The following ZNF644 variants were observed in gnomAD, a reference collection of about 807,000 sequenced individuals.
The protein encoded by ZNF644 is zinc finger protein 644, also known as zinc finger motif enhancer binding protein 2.
A neutral mutation model predicts 108.0 loss-of-function variants in ZNF644; 20 were observed. That is an observed-to-expected ratio of 0.19 (90% CI 0.13 to 0.27). The LOEUF is 0.27. ZNF644 is among the 10% of genes least tolerant of loss of function. ZNF644 has a pLI of 1.00. For missense variants in ZNF644, 1,338 were observed against 1,548.9 expected, an observed-to-expected ratio of 0.86 and a Z score of 2.29; for synonymous variants, 542 against 539.1, an observed-to-expected ratio of 1.01 and a Z score of -0.08.
At chr1:90,919,372 A>T (rs1219475824) in intron 4 of ZNF644, among the ~76,000 whole-genome samples, 5 of 152,136 alleles carry the variant, frequency 3.3e-5, no homozygotes, top group African/African-American at 1.2e-4. Flanking sequence ...CTGTTCAATG[A>T]CTCTGTGAAA....
In ZNF644 at chr1:91,010,405, ATT is replaced by A. The variant is rs35003941; in HGVS notation, c.-18+11583_-18+11584del. On this transcript the variant is annotated intron_variant, in intron 1 of 5. Coordinates refer to ENST00000337393, the MANE Select transcript of ZNF644 (RefSeq NM_201269.3). ...AGGCACCCACCATCACGCTTGGCTA[ATT>A]TTTTTTTTTTTTTTTTGTATTTTTA... 1.1e-3 allele frequency among the ~76,000 whole-genome samples: 141 copies of A among 132,578 alleles called. 1 individual carries two copies. The highest frequency in any genetic ancestry group is 7.9e-3 in the Middle Eastern group (2 of 252). The allele number at this position is 132,578 out of a possible 152,430, so 87.0% of individuals were successfully genotyped here. A position where few individuals can be genotyped will look rare whatever the true frequency, so the allele number is the denominator to read the frequency against.
chr1:90,948,722 C>T (rs992667820), intron 2 of ZNF644, among the ~76,000 whole-genome samples: 2 of 152,170 alleles, frequency 1.3e-5, no homozygotes, highest in African/African-American at 4.8e-5. Flanking sequence ...CTGCACAGTT[C>T]AAGCTCATGT....
intron 5 of ZNF644, among the ~76,000 whole-genome samples, chr1:90,917,527 T>G (rs1243266496): frequency 6.6e-6 from 1 of 152,176 alleles, no homozygotes; most frequent in African/African-American, 2.4e-5. Flanking sequence ...AGACAGAGTC[T>G]TGCTCTGTCG....
chr1:90,944,299 A>G (rs930068332), intron 2 of ZNF644, among the ~76,000 whole-genome samples: 2 of 152,212 alleles, frequency 1.3e-5, no homozygotes, highest in Admixed American at 6.5e-5. Flanking sequence ...GAATGGCTTT[A>G]TAAGAGCTTT....
At position 90,940,350 on chromosome 1, in the gene ZNF644, A is replaced by G; in HGVS notation, c.1004T>C (p.Val335Ala). ...FLEQNEELQA[V>A]DSQKYALSKV... is the part of the protein sequence containing the mutation. ...TGATAATGCATATTTCTGTGAGTCT[A>G]CTGCTTGTAGCTCTTCATTTTGTTC... Residue 335 changes from valine (V) to alanine (A), a missense_variant, in exon 3 of 6, where the codon GTA becomes GCA. Coordinates refer to ENST00000337393, the MANE Select transcript of ZNF644 (RefSeq NM_201269.3). 2.5e-6 allele frequency: 4 copies of G among 1,613,810 alleles called. No homozygotes were observed. The highest frequency in any genetic ancestry group is 3.4e-6 in the Non-Finnish European group (4 of 1,179,954).
At chr1:91,018,814 T>C (rs758196116) in intron 1 of ZNF644, among the ~76,000 whole-genome samples, 5 of 152,212 alleles carry the variant, frequency 3.3e-5, no homozygotes, top group African/African-American at 4.8e-5. Context: ...GAAACTTTCT[T>C]TTCTCCTCCT....
At chr1:90,958,632 T>C (rs1654003098) in intron 2 of ZNF644, among the ~76,000 whole-genome samples, 1 of 152,004 alleles carries the variant, frequency 6.6e-6, no homozygotes, top group South Asian at 2.1e-4. Flanking sequence ...TACAGATCAA[T>C]GGAATAGATT....
chr1:91,001,357 C>G (rs1332709919), intron 1 of ZNF644, among the ~76,000 whole-genome samples: 5 of 152,134 alleles, frequency 3.3e-5, no homozygotes, highest in Admixed American at 2.0e-4. Flanking sequence ...GGGCTTCATC[C>G]CTGGGATGCA....
chr1:90,925,291 G>A (rs1212911057), intron 4 of ZNF644, among the ~76,000 whole-genome samples: 1 of 152,130 alleles, frequency 6.6e-6, no homozygotes, highest in African/African-American at 2.4e-5. Flanking sequence ...TGAAATCTGT[G>A]ATACAAAGAA....
chr1:90,964,765 A>AC (rs1195278351), intron 2 of ZNF644, among the ~76,000 whole-genome samples: 3 of 152,242 alleles, frequency 2.0e-5, no homozygotes, highest in Non-Finnish European at 4.4e-5. Flanking sequence ...TGTGAAGTAT[A>AC]TTAGTATGAA....
At chr1:90,935,567 T>C (rs1474416003) in intron 4 of ZNF644, 1 of 985,678 alleles carries the variant, frequency 1.0e-6, no homozygotes, top group African/African-American at 1.7e-5. Flanking sequence ...CAGTTCTCAC[T>C]TCAAAAAGTG....
At chr1:90,928,728 A>C (rs1170752691) in intron 4 of ZNF644, among the ~76,000 whole-genome samples, 1 of 152,178 alleles carries the variant, frequency 6.6e-6, no homozygotes, top group African/African-American at 2.4e-5. Flanking sequence ...AACATCTGTA[A>C]CCAAATCTTC....
intron 2 of ZNF644, among the ~76,000 whole-genome samples, chr1:90,967,894 CAA>C (rs147387016): frequency 1.8e-3 from 224 of 123,398 alleles, no homozygotes; most frequent in African/African-American, 5.3e-3. Flanking sequence ...AAAAAAAATA[CAA>C]AAAAAAAAAA....
chr1:90,998,546 A>G (rs192172759), intron 1 of ZNF644, among the ~76,000 whole-genome samples: 1 of 152,318 alleles, frequency 6.6e-6, no homozygotes, highest in Non-Finnish European at 1.5e-5. Context: ...CCCCATCTCT[A>G]CGTCATCTAC....
chr1:90,967,231 C>T (rs574706558), intron 2 of ZNF644, among the ~76,000 whole-genome samples: 3 of 152,226 alleles, frequency 2.0e-5, no homozygotes, highest in African/African-American at 7.2e-5. Context: ...ACATGTAGTT[C>T]CCTTGGTCTG....
chr1:90,960,586 A>G (rs1255033769), intron 2 of ZNF644, among the ~76,000 whole-genome samples: 2 of 152,168 alleles, frequency 1.3e-5, no homozygotes, highest in African/African-American at 4.8e-5. Flanking sequence ...CTGTTTAAAG[A>G]AAGCCAATCA....
intron 2 of ZNF644, among the ~76,000 whole-genome samples, chr1:90,943,646 G>C (rs1361442886): frequency 6.6e-6 from 1 of 152,036 alleles, no homozygotes. Flanking sequence ...TCTGTTTTGA[G>C]ATTGGCAAAC....
chr1:90,955,439 C>T (rs1333337375), intron 2 of ZNF644, among the ~76,000 whole-genome samples: 1 of 152,218 alleles, frequency 6.6e-6, no homozygotes, highest in Non-Finnish European at 1.5e-5. Context: ...TTGTAGAAAG[C>T]TGTTTCATCT....
chr1:90,917,766 G>C (rs1243761781), intron 5 of ZNF644, among the ~76,000 whole-genome samples: 3 of 152,134 alleles, frequency 2.0e-5, no homozygotes, highest in Admixed American at 2.0e-4. Flanking sequence ...CCAAAGTGCT[G>C]GAATTACAGG....
Sources: gnomAD v4.1 joint callset for allele counts (sites outside exome capture counted in the v4.1 genomes callset) on GRCh38, gnomAD v4.1.1 for gene constraint, MANE v1.5 for transcripts, NCBI Gene and HGNC (gene_info 2026-07-23, HGNC 2026-07-21) for gene names.